The following ZNF687 variants were observed in gnomAD, a reference collection of about 807,000 sequenced individuals.
ZNF687 encodes zinc finger protein 687.
Under a neutral mutation model 71.8 loss-of-function variants are expected in ZNF687, and 13 were observed. The observed-to-expected ratio is 0.18, with a 90% CI of 0.12 to 0.29. The LOEUF is 0.29. ZNF687 is among the 10% of genes least tolerant of loss of function. The probability of loss-of-function intolerance (pLI) is 1.00; values close to 1 mark genes in which losing one functional copy is unlikely to be tolerated. For synonymous variants in ZNF687, 673 were observed against 641.6 expected, an observed-to-expected ratio of 1.05 and a Z score of -0.74; for missense variants, 1,412 against 1,625.6, an observed-to-expected ratio of 0.87 and a Z score of 2.26.
rs1387427113 is a variant in ZNF687 at position 151,292,082 on chromosome 1, T to TCAC, written c.*875_*877dup. The TCAC allele has an allele frequency of 3.3e-5, 5 of 152,202 alleles. No individual in the cohort carries two copies. Among genetic ancestry groups the TCAC allele is most frequent in the Non-Finnish European group, 5.9e-5 (4 of 68,108 alleles). The allele number at this position is 152,202 out of a possible 1,614,324, so 9.4% of individuals were successfully genotyped here. Reference sequence around the variant, plus strand: ...CACTGAGGCATCCGTTCATACCTCATCACCCATCTCCCCCTGCACTCCCCC... The same window carrying TCAC: ...CACTGAGGCATCCGTTCATACCTCATCACCACCCATCTCCCCCTGCACTCCCCC... On this transcript the variant is annotated 3_prime_UTR_variant, in exon 9 of 9. Coordinates refer to ENST00000336715, the MANE Select transcript of ZNF687 (RefSeq NM_020832.3).
intron 3 of ZNF687, 60 bp downstream of exon 3, chr1:151,288,766 A>C (rs1694065545): frequency 3.3e-6 from 5 of 1,526,824 alleles, no homozygotes; most frequent in Non-Finnish European, 4.4e-6. Flanking sequence ...CCTCAGCCTC[A>C]GATGGCCTTT....
intron 1 of ZNF687, 40 bp downstream of exon 1, chr1:151,282,435 C>G: frequency 2.0e-6 from 2 of 985,508 alleles, no homozygotes; most frequent in Non-Finnish European, 1.2e-6. Flanking sequence ...TTGGCTCCGC[C>G]CCCTTGGGGG....
At position 151,290,939 on chromosome 1, in the gene ZNF687, C is replaced by T; in HGVS notation, c.3444C>T (p.Gly1148=). 3.1e-6 allele frequency: 5 copies of T among 1,613,802 alleles called. No homozygotes were observed. The highest frequency in any genetic ancestry group is 4.2e-6 in the Non-Finnish European group (5 of 1,180,012). Residue 1148 remains glycine (G), a synonymous_variant, in exon 9 of 9, where the codon GGC becomes GGT. Transcript: ENST00000336715. ...LDCGLCFASP[G]SLSRHRFISH... is the part of the protein sequence containing the mutation. ...GTGGCTTGTGCTTTGCCTCCCCTGG[C>T]TCCCTGAGCCGACACCGTTTCATCA...
At position 151,282,406 on chromosome 1, in the gene ZNF687, C is replaced by T. The variant is rs972049275; in HGVS notation, c.-18+11C>T. On this transcript the variant is annotated intron_variant, in intron 1 of 8. Transcript: ENST00000336715. ...CCAGGAGCGGAACAAGTAAGCGTGC[C>T]TGGGGTAAATACCCGCCCTTGGCTC... The T allele has an allele frequency of 2.0e-6, 2 of 987,146 alleles. No homozygotes were observed. The highest frequency in any genetic ancestry group is 3.5e-5 in the African/African-American group (2 of 57,284). The allele number at this position is 987,146 out of a possible 1,614,324, so 61.1% of individuals were successfully genotyped here.
intron 1 of ZNF687, chr1:151,282,969 C>T (rs1693785719): frequency 3.4e-6 from 1 of 294,502 alleles, no homozygotes; most frequent in Non-Finnish European, 5.0e-6. Context: ...CTGAGAGTCG[C>T]GCAGAGACCG....
chr1:151,290,842 G>A lies in ZNF687; in HGVS notation c.3347G>A (p.Ser1116Asn), dbSNP rs1335085612. The A allele has an allele frequency of 6.2e-7, 1 of 1,614,054 alleles. No individual in the cohort carries two copies. Among genetic ancestry groups the A allele is most frequent in the Non-Finnish European group, 8.5e-7 (1 of 1,180,024 alleles). The change falls in exon 9 of 9, where the codon AGC (serine) becomes AAC (asparagine). Residue 1116 changes from serine (S) to asparagine (N), a missense_variant. By Grantham distance (46) the Ser-to-Asn change is conservative. This residue lies in a region of ZNF687 where 284 missense variants were observed against 359.2 expected (regional missense o/e 0.79). Coordinates refer to ENST00000336715, the MANE Select transcript of ZNF687 (RefSeq NM_020832.3). ...GGCCATGGCCCTCTGCGCTACCGGA[G>A]CAGCAGCTCCACAGAACAGAGCCTC... The part of the protein sequence containing the change: ...SGGHGPLRYR[S>N]SSSTEQSLMM...
At chr1:151,282,229 G>C (rs1693739491), upstream of ZNF687, 1 of 1,033,386 alleles carries the variant, frequency 9.7e-7, no homozygotes, top group Non-Finnish European at 1.2e-6. Context: ...TGGCGAGTGC[G>C]AAAACGGGCA....
Position 151,289,263 on chromosome 1 carries a change from G to C in ZNF687, c.2463G>C (p.Gln821His). ...LYSQHPSFQT[Q>H]QAKLIYKCAM... ...CCCAGCATCCCAGCTTCCAAACTCA[G>C]CAGGCCAAGTGAGGCCCGGGGGAGG... The change falls in exon 4 of 9, where the codon CAG becomes CAC. Residue 821 changes from glutamine (Q) to histidine (H), a missense_variant. By Grantham distance (24) the Gln-to-His change is conservative. This residue lies in a region of ZNF687 where 106 missense variants were observed against 146.0 expected (regional missense o/e 0.73). Coordinates refer to ENST00000336715, the MANE Select transcript of ZNF687 (RefSeq NM_020832.3). The C allele has an allele frequency of 6.2e-7, 1 of 1,613,974 alleles. No individual in the cohort carries two copies. Among genetic ancestry groups the C allele is most frequent in the African/African-American group, 1.3e-5 (1 of 75,072 alleles).
Position 151,282,360 on chromosome 1 carries a change from A to G in ZNF687, c.-53A>G, listed in dbSNP as rs1273341897. On this transcript the variant is annotated 5_prime_UTR_variant, in exon 1 of 9. Coordinates refer to ENST00000336715, the MANE Select transcript of ZNF687 (RefSeq NM_020832.3). ...CTGCAGCGGCTGGAGCGGGGTAGAG[A>G]CCGCCGGGTCTCGGCCCGCACCAGG... The G allele has an allele frequency of 2.0e-6, 2 of 993,596 alleles. No individual in the cohort carries two copies. Among genetic ancestry groups the G allele is most frequent in the East Asian group, 1.1e-4 (1 of 9,034 alleles). 61.5% of individuals were successfully genotyped at this position (993,596 alleles called of 1,614,324 possible). A position where few individuals can be genotyped will look rare whatever the true frequency, so the allele number is the denominator to read the frequency against.
chr1:151,288,477 A>G, intron 2 of ZNF687, 51 bp from the exon 3 acceptor site: 1 of 1,579,232 alleles, frequency 6.3e-7, no homozygotes, highest in Non-Finnish European at 8.6e-7. Flanking sequence ...GTTAGAAGTA[A>G]TGGAGACAGG....
chr1:151,284,690 A>G (rs937302716), intron 1 of ZNF687, among the ~76,000 whole-genome samples: 2 of 150,006 alleles, frequency 1.3e-5, no homozygotes, highest in African/African-American at 4.9e-5. Flanking sequence ...TGCTTGGTTC[A>G]TCTGGAATAG....
At chr1:151,282,648 G>C (rs904909517) in intron 1 of ZNF687, among the ~76,000 whole-genome samples, 1 of 152,186 alleles carries the variant, frequency 6.6e-6, no homozygotes, top group Non-Finnish European at 1.5e-5. Flanking sequence ...TGGCGCCCCC[G>C]GCTCGAGAGG....
intron 7 of ZNF687, 82 bp from the exon 8 acceptor site, chr1:151,290,350 C>A: frequency 1.2e-6 from 2 of 1,611,770 alleles, no homozygotes; most frequent in Non-Finnish European, 1.7e-6. Flanking sequence ...TCTCCCTCTG[C>A]TCTGGCAGCC....
chr1:151,287,862 C>T lies in ZNF687; in HGVS notation c.1571C>T (p.Ala524Val). Residue 524 changes from alanine to valine, a missense_variant, in exon 2 of 9, where the codon GCT becomes GTT. Around this residue, in one of 8 missense-constraint regions of ZNF687, gnomAD observed 50 missense variants for 106.6 expected, o/e 0.47. Transcript: ENST00000336715. The surrounding 1 kb of genome is among the most constrained non-coding windows in gnomAD (Gnocchi z 5.0). ...CCAAACCTGAGCCCACCAGCTGAGG[C>T]TGGGCTGGCCCTGCCTCCCACCGGC... ...YRPNLSPPAEAGLALPPTGYR... is the reference protein window; with the variant it reads ...YRPNLSPPAEVGLALPPTGYR... The T allele has an allele frequency of 6.2e-7, 1 of 1,613,988 alleles. No individual in the cohort carries two copies. Among genetic ancestry groups the T allele is most frequent in the Non-Finnish European group, 8.5e-7 (1 of 1,180,022 alleles).
chr1:151,291,248 A>AGCCTGGTTTTCCCTACTGCT lies in ZNF687; in HGVS notation c.*45_*64dup. 6.4e-7 allele frequency: 1 copy of AGCCTGGTTTTCCCTACTGCT among 1,552,482 alleles called. No homozygotes were observed. The highest frequency in any genetic ancestry group is 2.3e-5 in the East Asian group (1 of 44,102). On this transcript the variant is annotated 3_prime_UTR_variant, in exon 9 of 9. Transcript: ENST00000336715. ...GGACTGACCAGCCCCTTCCTCTTGGAGCCTGGTTTTCCCTACTGCTGCCTG... is the reference window on the plus strand; with the variant it reads ...GGACTGACCAGCCCCTTCCTCTTGGAGCCTGGTTTTCCCTACTGCTGCCTGGTTTTCCCTACTGCTGCCTG...
chr1:151,289,041 G>C, intron 3 of ZNF687, 54 bp from the exon 4 acceptor site: 1 of 1,575,114 alleles, frequency 6.3e-7, no homozygotes, highest in Non-Finnish European at 8.7e-7. Context: ...TGGTCCCGGG[G>C]TGGGCATGGA....
At chr1:151,284,186 G>C in intron 1 of ZNF687, 1 of 985,344 alleles carries the variant, frequency 1.0e-6, no homozygotes, top group South Asian at 4.7e-5. Flanking sequence ...AATGGGGTGA[G>C]GAGCTTGGAG....
chr1:151,281,813 C>T (rs1693723450), upstream of ZNF687: 9 of 367,844 alleles, frequency 2.4e-5, no homozygotes, highest in South Asian at 1.0e-4. Flanking sequence ...ACCTACACTT[C>T]TGTGCTCCAC....
Position 151,287,947 on chromosome 1 carries a change from T to C in ZNF687, c.1656T>C (p.Tyr552=), listed in dbSNP as rs780314683. Residue 552 remains tyrosine (Y), a synonymous_variant, in exon 2 of 9, where the codon TAT becomes TAC. Transcript: ENST00000336715. The surrounding 1 kb of genome is among the most constrained non-coding windows in gnomAD (Gnocchi z 5.0). ...FSLEKSLARH[Y]DRRSMRIEVT... ...TGGAGAAGAGCCTGGCACGGCACTA[T>C]GACCGTCGGAGCATGCGCATCGAGG... The C allele has an allele frequency of 1.9e-6, 3 of 1,613,852 alleles. No individual in the cohort carries two copies. The highest frequency in any genetic ancestry group is 1.7e-5 in the Admixed American group (1 of 60,028).
Sources: gnomAD v4.1 joint callset for allele counts (sites outside exome capture counted in the v4.1 genomes callset) on GRCh38, gnomAD v4.1.1 for gene constraint, gnomAD v4.1.1 regional missense constraint, Gnocchi (gnomAD v3.1) non-coding constraint, MANE v1.5 for transcripts, NCBI Gene and HGNC (gene_info 2026-07-23, HGNC 2026-07-21) for gene names.